The following PVT1 variants were observed in gnomAD, a reference collection of about 807,000 sequenced individuals.
The protein encoded by PVT1 is CXCR4/PVT1 fusion.
At chr8:127,812,868 G>A (rs1814614175) in intron 2 of PVT1, among the ~76,000 whole-genome samples, 1 of 152,124 alleles carries the variant, frequency 6.6e-6, no homozygotes, top group Admixed American at 6.6e-5. Context: ...ATATGCACTT[G>A]TAACTGTGTC....
At chr8:127,851,172 G>A (rs930445728) in intron 2 of PVT1, among the ~76,000 whole-genome samples, 9 of 152,168 alleles carry the variant, frequency 5.9e-5, no homozygotes, top group African/African-American at 2.2e-4. Flanking sequence ...ACTTTGGCAG[G>A]TGGGTGGTGA....
intron 2 of PVT1, among the ~76,000 whole-genome samples, chr8:127,801,673 G>A (rs557272707): frequency 7.2e-5 from 11 of 152,270 alleles, no homozygotes; most frequent in African/African-American, 1.7e-4. Flanking sequence ...TGCACAGAGC[G>A]TTAAGTGCCA....
chr8:128,049,107 A>G (rs750389942), intron 4 of PVT1: 1 of 513,904 alleles, frequency 1.9e-6, no homozygotes, highest in Admixed American at 2.2e-5. Context: ...CTGAGGAATC[A>G]GAGATAGGAG....
chr8:128,028,883 C>T (rs1220260426), intron 4 of PVT1, among the ~76,000 whole-genome samples: 9 of 152,118 alleles, frequency 5.9e-5, no homozygotes, highest in Non-Finnish European at 1.0e-4. Context: ...TGCTCTGTCA[C>T]CCAGGCTGGA....
At chr8:127,806,971 A>G (rs1042077973) in intron 2 of PVT1, among the ~76,000 whole-genome samples, 12 of 152,212 alleles carry the variant, frequency 7.9e-5, no homozygotes, top group Non-Finnish European at 1.2e-4. Context: ...GTGTTTCCAC[A>G]AGATACATGT....
chr8:127,814,401 TTC>T (rs1814636105), intron 2 of PVT1, among the ~76,000 whole-genome samples: 1 of 152,224 alleles, frequency 6.6e-6, no homozygotes. Flanking sequence ...TTGTCTTTAT[TTC>T]TTCCCCAGCT....
intron 2 of PVT1, among the ~76,000 whole-genome samples, chr8:127,816,880 T>C (rs759568356): frequency 6.6e-6 from 1 of 152,170 alleles, no homozygotes; most frequent in Non-Finnish European, 1.5e-5. Context: ...CTCTGCATCA[T>C]GTTGGTAAGT....
At chr8:128,085,749 C>T (rs1373553174) in intron 5 of PVT1, among the ~76,000 whole-genome samples, 1 of 152,138 alleles carries the variant, frequency 6.6e-6, no homozygotes, top group Non-Finnish European at 1.5e-5. Flanking sequence ...AGGACACATA[C>T]CTGTTTTGGA....
chr8:127,999,248 A>T (rs1817146799), intron 4 of PVT1: 1 of 152,182 alleles, frequency 6.6e-6, no homozygotes, highest in Non-Finnish European at 1.5e-5. Context: ...GGGAGACTTG[A>T]CTGCATAATT....
chr8:127,890,147 A>C (rs73357060), intron 2 of PVT1, among the ~76,000 whole-genome samples: 2,433 of 152,300 alleles, frequency 0.016, 45 homozygotes, highest in African/African-American at 0.055. Flanking sequence ...TGTCTTTAAA[A>C]AGAAACAAAA....
At chr8:127,974,773 G>A (rs1046388517) in intron 3 of PVT1, among the ~76,000 whole-genome samples, 2 of 152,130 alleles carry the variant, frequency 1.3e-5, no homozygotes, top group Non-Finnish European at 1.5e-5. Flanking sequence ...GAATAGATAC[G>A]GGTGAGAAAA....
chr8:127,955,400 T>A (rs1329861260), intron 3 of PVT1, among the ~76,000 whole-genome samples: 1 of 152,208 alleles, frequency 6.6e-6, no homozygotes, highest in Non-Finnish European at 1.5e-5. Flanking sequence ...CAGACCAATA[T>A]ACCGTGTGTC....
chr8:128,038,523 C>T (rs1475887621), intron 4 of PVT1, among the ~76,000 whole-genome samples: 2 of 152,144 alleles, frequency 1.3e-5, no homozygotes, highest in Admixed American at 6.5e-5. Context: ...CGTGAATGGG[C>T]TTGAGGGTGC....
chr8:128,066,758 C>G (rs933840535), intron 4 of PVT1, among the ~76,000 whole-genome samples: 1 of 152,218 alleles, frequency 6.6e-6, no homozygotes, highest in Admixed American at 6.5e-5. Context: ...TTACCAGGAT[C>G]TTTTTCTAGT....
chr8:127,974,391 G>GCAT lies in PVT1; in HGVS notation n.783-14749_783-14747dup, dbSNP rs151336453. On this transcript the variant is annotated intron_variant and non_coding_transcript_variant, in intron 3 of 10. Transcript: ENST00000651587. ...ATTGAAGTTTTCCCAAAAAAAGTCA[G>GCAT]CATCATCATCATCATCATCATCATT... is the stretch of plus-strand genomic sequence containing the variant. 9.4e-3 allele frequency among the ~76,000 whole-genome samples: 1,422 copies of GCAT among 151,860 alleles called. 16 individuals carry two copies. Among genetic ancestry groups the GCAT allele is most frequent in the African/African-American group, 0.033 (1,350 of 41,352 alleles).
At chr8:127,797,480 T>C (rs1261575127) in intron 2 of PVT1, among the ~76,000 whole-genome samples, 4 of 152,144 alleles carry the variant, frequency 2.6e-5, no homozygotes. Context: ...ATTTGGACCA[T>C]TGAGTCCTGT....
At chr8:127,923,267 A>G (rs1816087357) in intron 3 of PVT1, among the ~76,000 whole-genome samples, 1 of 152,264 alleles carries the variant, frequency 6.6e-6, no homozygotes, top group Non-Finnish European at 1.5e-5. Context: ...AATGCTCACA[A>G]GCAACTCTGC....
At chr8:127,846,130 AG>A (rs768214233) in intron 2 of PVT1, among the ~76,000 whole-genome samples, 53 of 152,224 alleles carry the variant, frequency 3.5e-4, no homozygotes, top group Non-Finnish European at 7.1e-4. Flanking sequence ...AGGGCTCTTC[AG>A]GTGACTGGAG....
At chr8:127,819,994 AG>A (rs1163456249) in intron 2 of PVT1, among the ~76,000 whole-genome samples, 1 of 152,212 alleles carries the variant, frequency 6.6e-6, no homozygotes, top group Non-Finnish European at 1.5e-5. Context: ...GATGATTCTA[AG>A]GGTGAGGTCA....
Sources: gnomAD v4.1 joint callset for allele counts (sites outside exome capture counted in the v4.1 genomes callset) on GRCh38, gnomAD v4.1.1 for gene constraint, MANE v1.5 for transcripts, NCBI Gene and HGNC (gene_info 2026-07-23, HGNC 2026-07-21) for gene names.